CACNG3: variants seen among roughly 807,000 people sequenced by gnomAD.
The protein encoded by CACNG3 is calcium voltage-gated channel auxiliary subunit gamma 3.
Under a neutral mutation model 28.5 loss-of-function variants are expected in CACNG3, and 3 were observed. That is an observed-to-expected ratio of 0.11 (90% confidence interval 0.05 to 0.27). The LOEUF is 0.27. Ranked by LOEUF, CACNG3 falls within the 10% of genes least tolerant of loss-of-function variation. The probability of loss-of-function intolerance (pLI) is 1.00; values close to 1 mark genes in which losing one functional copy is unlikely to be tolerated. For synonymous variants in CACNG3, 174 were observed against 162.2 expected (o/e 1.07, Z -0.55); for missense variants, 236 against 414.4 (o/e 0.57, Z 3.74).
intron 1 of CACNG3, among the ~76,000 whole-genome samples, chr16:24,285,650 T>TA (rs1251527298): frequency 6.6e-6 from 1 of 152,036 alleles, no homozygotes; most frequent in Non-Finnish European, 1.5e-5. Flanking sequence ...ACCCTGTCTC[T>TA]AAAAATAATA....
intron 1 of CACNG3, among the ~76,000 whole-genome samples, chr16:24,299,998 T>C (rs1017638458): frequency 6.6e-6 from 1 of 152,146 alleles, no homozygotes; most frequent in Non-Finnish European, 1.5e-5. Flanking sequence ...ACATTTCTTA[T>C]GTTGTATGAG....
chr16:24,295,780 T>C (rs1474453632), intron 1 of CACNG3, among the ~76,000 whole-genome samples: 1 of 152,056 alleles, frequency 6.6e-6, no homozygotes, highest in Non-Finnish European at 1.5e-5. Context: ...GCCTGGGAGA[T>C]AGAGGCTACA....
chr16:24,291,836 C>T (rs1222323253), intron 1 of CACNG3, among the ~76,000 whole-genome samples: 1 of 152,020 alleles, frequency 6.6e-6, no homozygotes, highest in African/African-American at 2.4e-5. Context: ...ATGCATTCTA[C>T]GGGGCATACA....
intron 1 of CACNG3, among the ~76,000 whole-genome samples, chr16:24,308,951 G>T (rs1384691895): frequency 6.6e-6 from 1 of 151,684 alleles, no homozygotes; most frequent in African/African-American, 2.4e-5. Flanking sequence ...TGTGCCACTG[G>T]CCTGGCTACA....
At chr16:24,286,521 C>A (rs1898897003) in intron 1 of CACNG3, among the ~76,000 whole-genome samples, 1 of 152,070 alleles carries the variant, frequency 6.6e-6, no homozygotes, top group African/African-American at 2.4e-5. Flanking sequence ...AATAGCAGCC[C>A]TGAATTTCAG....
At chr16:24,358,865 T>C (rs1900069899) in intron 3 of CACNG3, among the ~76,000 whole-genome samples, 1 of 152,222 alleles carries the variant, frequency 6.6e-6, no homozygotes, top group African/African-American at 2.4e-5. Flanking sequence ...CTGTGTCTGT[T>C]TCCCCATCTG....
intron 1 of CACNG3, among the ~76,000 whole-genome samples, chr16:24,287,160 G>T (rs1898905524): frequency 1.3e-5 from 2 of 152,120 alleles, no homozygotes; most frequent in Non-Finnish European, 2.9e-5. Context: ...AAGAGACACT[G>T]GTCACCCTTG....
chr16:24,345,425 G>A (rs1334853797), intron 1 of CACNG3, among the ~76,000 whole-genome samples: 1 of 152,220 alleles, frequency 6.6e-6, no homozygotes, highest in Non-Finnish European at 1.5e-5. Context: ...CCTCAGCCGG[G>A]CAAGGTGGCT....
chr16:24,347,163 A>G (rs1163710445), intron 2 of CACNG3, among the ~76,000 whole-genome samples: 1 of 152,106 alleles, frequency 6.6e-6, no homozygotes. Context: ...ACAAAAAATT[A>G]AAAAATTAGC....
intron 1 of CACNG3, among the ~76,000 whole-genome samples, chr16:24,293,494 G>C (rs1303697045): frequency 1.3e-5 from 2 of 151,978 alleles, no homozygotes; most frequent in African/African-American, 2.4e-5. Context: ...GAGCTCTCAG[G>C]GCCCTCAGTT....
At chr16:24,335,264 A>T (rs1056374910) in intron 1 of CACNG3, among the ~76,000 whole-genome samples, 35 of 152,062 alleles carry the variant, frequency 2.3e-4, no homozygotes, top group African/African-American at 8.5e-4. Flanking sequence ...TACTAAAAAT[A>T]TAAAAATTAG....
chr16:24,314,991 GT>G (rs1899329471), intron 1 of CACNG3, among the ~76,000 whole-genome samples: 2 of 152,240 alleles, frequency 1.3e-5, no homozygotes, highest in South Asian at 4.1e-4. Context: ...CTCCACCTGG[GT>G]TCCTCAGGAG....
At chr16:24,283,401 A>G (rs1438017699) in intron 1 of CACNG3, among the ~76,000 whole-genome samples, 1 of 152,176 alleles carries the variant, frequency 6.6e-6, no homozygotes, top group African/African-American at 2.4e-5. Context: ...CATTTTCATC[A>G]TTCAAGCCTA....
intron 1 of CACNG3, among the ~76,000 whole-genome samples, chr16:24,312,955 G>GAAAA (rs376780380): frequency 3.6e-5 from 4 of 110,806 alleles, no homozygotes; most frequent in African/African-American, 1.5e-4. Context: ...AAGAAAGAAA[G>GAAAA]AGAAAGAAAG....
chr16:24,263,768 T>C (rs1298977696), intron 1 of CACNG3, among the ~76,000 whole-genome samples: 1 of 152,266 alleles, frequency 6.6e-6, no homozygotes, highest in Non-Finnish European at 1.5e-5. Flanking sequence ...CCTTCATTTC[T>C]TCTTACCTCT....
chr16:24,322,020 G>A (rs957960732), intron 1 of CACNG3, among the ~76,000 whole-genome samples: 10 of 152,142 alleles, frequency 6.6e-5, no homozygotes, highest in African/African-American at 9.7e-5. Flanking sequence ...CTGTATACCC[G>A]TGTACCAGAT....
intron 1 of CACNG3, among the ~76,000 whole-genome samples, chr16:24,317,296 C>G (rs1186557345): frequency 1.3e-5 from 2 of 152,102 alleles, no homozygotes; most frequent in Non-Finnish European, 2.9e-5. Context: ...AATCCCAGCA[C>G]TTTGGGAGGC....
chr16:24,271,535 C>T (rs1290570593), intron 1 of CACNG3, among the ~76,000 whole-genome samples: 1 of 152,164 alleles, frequency 6.6e-6, no homozygotes, highest in African/African-American at 2.4e-5. Context: ...TCCTGTGCAG[C>T]TTCCCCTTCT....
intron 1 of CACNG3, among the ~76,000 whole-genome samples, chr16:24,287,034 A>G (rs1482506333): frequency 6.6e-6 from 1 of 152,186 alleles, no homozygotes; most frequent in African/African-American, 2.4e-5. Context: ...CCAGAACACA[A>G]TGGATGGGAT....
Sources: allele counts gnomAD v4.1 joint callset (sites outside exome capture counted in the v4.1 genomes callset), GRCh38; gene constraint gnomAD v4.1.1; transcripts MANE v1.5; gene names NCBI Gene and HGNC (gene_info 2026-07-23, HGNC 2026-07-21).